The following UNC5D variants were observed in gnomAD, a reference collection of about 807,000 sequenced individuals.
The protein encoded by UNC5D is unc-5 netrin receptor D.
UNC5D carries 39 observed loss-of-function variants against 105.4 expected under a neutral mutation model. That is an observed-to-expected ratio of 0.37 (90% confidence interval 0.29 to 0.48). UNC5D has a LOEUF of 0.48. UNC5D is among the 20% of genes least tolerant of loss of function. The pLI is 0.98. For missense variants in UNC5D, 991 were observed against 1,202.4 expected (o/e 0.82, Z 2.60); for synonymous variants, 452 against 450.4 (o/e 1.00, Z -0.04).
chr8:35,321,707 GA>G, intron 1 of UNC5D, among the ~76,000 whole-genome samples: 1 of 152,284 alleles, frequency 6.6e-6, no homozygotes, highest in South Asian at 2.1e-4. Flanking sequence ...ATGACATGCT[GA>G]AAACAGGACA....
intron 1 of UNC5D, among the ~76,000 whole-genome samples, chr8:35,401,083 A>G (rs765721017): frequency 2.6e-5 from 4 of 152,316 alleles, no homozygotes; most frequent in Non-Finnish European, 4.4e-5. Flanking sequence ...TAGAGTAACT[A>G]TAGTCCTCTT....
Position 35,781,519 on chromosome 8 carries a change from G to A in UNC5D, c.2657+7042G>A, listed in dbSNP as rs79771849. Among the ~76,000 whole-genome samples the A allele has an allele frequency of 4.3e-3, 653 of 152,158 alleles. 27 individuals carry two copies. The East Asian group carries it at 0.061, about 14-fold the overall frequency. ...AGAAAAGACAGGCATGCCAAAACCC[G>A]TTTATAGCCTAAATAGTCCCCTTCA... is the stretch of plus-strand genomic sequence containing the variant. On this transcript the variant is annotated intron_variant, in intron 16 of 16. Transcript: ENST00000404895.
intron 14 of UNC5D, among the ~76,000 whole-genome samples, chr8:35,760,194 C>G (rs1801462737): frequency 6.6e-6 from 1 of 151,940 alleles, no homozygotes; most frequent in Non-Finnish European, 1.5e-5. Flanking sequence ...AGGTGCCCGT[C>G]ACCATGCCCA....
At chr8:35,643,571 C>G (rs556441893) in intron 4 of UNC5D, among the ~76,000 whole-genome samples, 1 of 152,024 alleles carries the variant, frequency 6.6e-6, no homozygotes, top group African/African-American at 2.4e-5. Flanking sequence ...GCAGAGACAG[C>G]GTTCCACCAT....
chr8:35,443,226 C>T lies in UNC5D; in HGVS notation c.104-106066C>T, dbSNP rs1807555200. ...ACCAAGAAGGATATTCTGAGAACTT[C>T]TGTAAAATGTGTACCTACTGTGTGT... On this transcript the variant is annotated intron_variant, in intron 1 of 16. Coordinates refer to ENST00000404895, the MANE Select transcript of UNC5D (RefSeq NM_080872.4). Among the ~76,000 whole-genome samples, 5 of 151,742 alleles carry T rather than the reference C, an allele frequency of 3.3e-5. No homozygotes were observed. The South Asian group carries it at 1.0e-3, about 32-fold the overall frequency.
chr8:35,270,434 C>T (rs1046735424), intron 1 of UNC5D, among the ~76,000 whole-genome samples: 2 of 152,132 alleles, frequency 1.3e-5, no homozygotes, highest in Admixed American at 6.5e-5. Flanking sequence ...TCTCAGGAGA[C>T]GAGCTTTATG....
At chr8:35,679,448 G>T (rs902400790) in intron 4 of UNC5D, among the ~76,000 whole-genome samples, 1 of 152,142 alleles carries the variant, frequency 6.6e-6, no homozygotes, top group Non-Finnish European at 1.5e-5. Flanking sequence ...AGAGGAATCA[G>T]TAGGTATGAA....
intron 7 of UNC5D, among the ~76,000 whole-genome samples, chr8:35,705,186 G>A (rs11989072): frequency 1.1e-4 from 17 of 151,980 alleles, no homozygotes; most frequent in African/African-American, 3.6e-4. Flanking sequence ...GGATGGTCTC[G>A]ATCTCCTGAC....
intron 9 of UNC5D, among the ~76,000 whole-genome samples, chr8:35,725,886 G>T (rs571297391): frequency 6.6e-6 from 1 of 152,272 alleles, no homozygotes; most frequent in Admixed American, 6.5e-5. Flanking sequence ...AGAAATACTT[G>T]TTTTGAAAAG....
intron 1 of UNC5D, among the ~76,000 whole-genome samples, chr8:35,364,771 C>G (rs1343382182): frequency 1.3e-5 from 2 of 152,036 alleles, no homozygotes; most frequent in East Asian, 3.9e-4. Context: ...AAGAACCTAC[C>G]CCTTCACTAT....
intron 4 of UNC5D, among the ~76,000 whole-genome samples, chr8:35,609,398 C>CT (rs1268692353): frequency 6.6e-6 from 1 of 152,162 alleles, no homozygotes; most frequent in Non-Finnish European, 1.5e-5. Context: ...TCAGCAGTAG[C>CT]TTACACAGTA....
At chr8:35,418,175 C>T (rs576153342) in intron 1 of UNC5D, among the ~76,000 whole-genome samples, 64 of 151,824 alleles carry the variant, frequency 4.2e-4, no homozygotes, top group African/African-American at 1.5e-3. Flanking sequence ...TCCTTTTTGT[C>T]TCTTACTGCC....
At chr8:35,388,374 C>CA (rs558336097) in intron 1 of UNC5D, among the ~76,000 whole-genome samples, 34 of 151,274 alleles carry the variant, frequency 2.2e-4, no homozygotes, top group Non-Finnish European at 4.1e-4. Context: ...GAAAAAAACC[C>CA]AAAAAAACAA....
At chr8:35,694,889 TG>T (rs1375528793) in intron 7 of UNC5D, among the ~76,000 whole-genome samples, 2 of 152,124 alleles carry the variant, frequency 1.3e-5, no homozygotes, top group Non-Finnish European at 2.9e-5. Flanking sequence ...CACATGTGTG[TG>T]TTTTCTAATA....
chr8:35,397,183 G>A (rs1804161411), intron 1 of UNC5D, among the ~76,000 whole-genome samples: 1 of 152,200 alleles, frequency 6.6e-6, no homozygotes, highest in African/African-American at 2.4e-5. Flanking sequence ...TGGGATTACA[G>A]GTGTGAGCCA....
chr8:35,425,433 G>T (rs1806178156), intron 1 of UNC5D, among the ~76,000 whole-genome samples: 1 of 152,112 alleles, frequency 6.6e-6, no homozygotes, highest in Non-Finnish European at 1.5e-5. Flanking sequence ...CACAAAATGT[G>T]GTAAATGCTG....
chr8:35,481,269 T>A (rs1037827336), intron 1 of UNC5D, among the ~76,000 whole-genome samples: 3 of 152,206 alleles, frequency 2.0e-5, no homozygotes, highest in South Asian at 4.1e-4. Flanking sequence ...AGTTGTAATG[T>A]CATCCCTGTT....
At position 35,235,528 on chromosome 8, in the gene UNC5D, C is replaced by T. The variant is rs1355422034; in HGVS notation, c.-257C>T. ...AGGGCTGGGAACTGCGCGGCGGGGA[C>T]TGCGGGCGACTCCGGCATCCGCGCT... On this transcript the variant is annotated 5_prime_UTR_variant, in exon 1 of 17. Transcript: ENST00000404895. 2.9e-6 allele frequency: 1 copy of T among 340,296 alleles called. No individual in the cohort carries two copies. The highest frequency in any genetic ancestry group is 5.3e-6 in the Non-Finnish European group (1 of 189,418). 21.1% of individuals were successfully genotyped at this position (340,296 alleles called of 1,614,324 possible).
rs532453774 is a variant in UNC5D, at chr8:35,275,181, C to T, written c.103+39294C>T. Among the ~76,000 whole-genome samples the T allele has an allele frequency of 3.3e-5, 5 of 151,784 alleles. No homozygotes were observed. The South Asian group carries it at 1.0e-3, about 32-fold the overall frequency. ...AATGAAATAAGAAGACAAAGCTGCA[C>T]TCTTCCCCTTTCACTTGCTCCCTCC... On this transcript the variant is annotated intron_variant, in intron 1 of 16. Coordinates refer to ENST00000404895, the MANE Select transcript of UNC5D (RefSeq NM_080872.4).
Sources: allele counts gnomAD v4.1 joint callset (sites outside exome capture counted in the v4.1 genomes callset), GRCh38; gene constraint gnomAD v4.1.1; transcripts MANE v1.5; gene names NCBI Gene and HGNC (gene_info 2026-07-23, HGNC 2026-07-21).